CSMD3: variants seen among roughly 807,000 people sequenced by gnomAD.
CSMD3 encodes the protein CUB and sushi domain-containing protein 3.
Under a neutral mutation model 435.2 loss-of-function variants are expected in CSMD3, and 177 were observed. The observed-to-expected ratio is 0.41, with a 90% CI of 0.36 to 0.46. CSMD3 has a LOEUF of 0.46. Among genes scored for constraint, CSMD3 ranks in the 20% least tolerant of loss-of-function variants. The probability of loss-of-function intolerance (pLI) is 0.34; values close to 1 mark genes in which losing one functional copy is unlikely to be tolerated. For synonymous variants in CSMD3, 1,656 were observed against 1,520.5 expected (o/e 1.09, Z -2.07); for missense variants, 4,265 against 4,504.6 (o/e 0.95, Z 1.52).
At chr8:113,263,675 A>G (rs1187820904) in intron 3 of CSMD3, among the ~76,000 whole-genome samples, 1 of 151,876 alleles carries the variant, frequency 6.6e-6, no homozygotes, top group Non-Finnish European at 1.5e-5. Flanking sequence ...ACTTGGTAGC[A>G]TTAAAATTCA....
chr8:112,310,140 T>G (rs567531111), intron 50 of CSMD3: 1 of 152,234 alleles, frequency 6.6e-6, no homozygotes, highest in Non-Finnish European at 1.5e-5. Flanking sequence ...TAGCTGATGT[T>G]GAGCTTGTCT....
chr8:112,840,984 A>G (rs1390914060), intron 11 of CSMD3, among the ~76,000 whole-genome samples: 2 of 151,646 alleles, frequency 1.3e-5, no homozygotes, highest in Non-Finnish European at 3.0e-5. Context: ...TAAAAAATAT[A>G]TAATAATCTT....
chr8:112,680,469 A>T (rs768371554), intron 16 of CSMD3, among the ~76,000 whole-genome samples: 2 of 152,226 alleles, frequency 1.3e-5, no homozygotes, highest in Non-Finnish European at 2.9e-5. Context: ...TCCGGCAAAA[A>T]GAATGGTGGA....
intron 5 of CSMD3, among the ~76,000 whole-genome samples, chr8:113,056,933 C>T (rs1007727071): frequency 4.6e-5 from 7 of 152,178 alleles, no homozygotes; most frequent in African/African-American, 1.4e-4. Context: ...CTCTTATCTC[C>T]TTTCCCATGA....
chr8:113,305,996 C>T (rs2093817858), intron 2 of CSMD3, among the ~76,000 whole-genome samples: 1 of 152,042 alleles, frequency 6.6e-6, no homozygotes, highest in African/African-American at 2.4e-5. Context: ...CTTCTGTTTC[C>T]TGGGGTATGT....
chr8:112,590,495 G>T (rs1405339126), intron 22 of CSMD3, among the ~76,000 whole-genome samples: 1 of 152,064 alleles, frequency 6.6e-6, no homozygotes, highest in Non-Finnish European at 1.5e-5. Context: ...TGAAAGACCT[G>T]ATATGAAAAA....
At chr8:112,855,553 A>G (rs868687129) in intron 11 of CSMD3, among the ~76,000 whole-genome samples, 4 of 152,102 alleles carry the variant, frequency 2.6e-5, no homozygotes, top group Admixed American at 6.6e-5. Flanking sequence ...CATGAGTTCT[A>G]TATAAGGATA....
At chr8:113,351,052 G>A (rs1287896906) in intron 1 of CSMD3, among the ~76,000 whole-genome samples, 1 of 151,868 alleles carries the variant, frequency 6.6e-6, no homozygotes, top group Non-Finnish European at 1.5e-5. Context: ...CCATAGCACT[G>A]GCATGCACAC....
At chr8:112,794,039 A>T (rs1374479731) in intron 13 of CSMD3, among the ~76,000 whole-genome samples, 2 of 152,128 alleles carry the variant, frequency 1.3e-5, no homozygotes, top group Non-Finnish European at 2.9e-5. Flanking sequence ...TTATAGCCTC[A>T]CACAATTGAA....
chr8:112,457,914 T>A (rs1245727036), intron 32 of CSMD3, among the ~76,000 whole-genome samples: 1 of 152,054 alleles, frequency 6.6e-6, no homozygotes, highest in Non-Finnish European at 1.5e-5. Context: ...ATGATTAAGC[T>A]AATACCTTGG....
chr8:112,656,123 G>A (rs1586902806), intron 18 of CSMD3, 31 bp downstream of exon 18: 2 of 1,181,876 alleles, frequency 1.7e-6, no homozygotes, highest in East Asian at 2.3e-5. Flanking sequence ...CAAACAGAAT[G>A]AGGAAATCAA....
At chr8:112,376,297 A>G (rs73700684) in intron 38 of CSMD3, among the ~76,000 whole-genome samples, 4,121 of 152,264 alleles carry the variant, frequency 0.027, 170 homozygotes, top group African/African-American at 0.094. Flanking sequence ...AGTGCCTGAC[A>G]TATGGTAGGT....
intron 4 of CSMD3, among the ~76,000 whole-genome samples, chr8:113,142,002 A>T (rs2091560958): frequency 6.6e-6 from 1 of 151,128 alleles, no homozygotes; most frequent in Non-Finnish European, 1.5e-5. Flanking sequence ...ATTTAAATTT[A>T]AAAATACACT....
In CSMD3 at chr8:113,274,671, T is replaced by C. The variant is rs962454445; in HGVS notation, c.514+3921A>G. Among the ~76,000 whole-genome samples the C allele has an allele frequency of 9.2e-5, 14 of 152,114 alleles. 1 individual carries two copies. Among genetic ancestry groups the C allele is most frequent in the Non-Finnish European group, 1.2e-4 (8 of 67,990 alleles). On this transcript the variant is annotated intron_variant, in intron 3 of 70. Transcript: ENST00000297405. ...GTTAAATCAATTTCAATACGCTAAA[T>C]TGTCTTGAAAGATCTCATAGTAGTT... is the stretch of plus-strand genomic sequence containing the variant.
chr8:113,317,848 A>G (rs1029073930), intron 1 of CSMD3, among the ~76,000 whole-genome samples: 5 of 152,072 alleles, frequency 3.3e-5, no homozygotes, highest in African/African-American at 1.2e-4. Flanking sequence ...CTGAATTGTT[A>G]TATCTATTTT....
At chr8:113,300,173 A>AC (rs1031125836) in intron 2 of CSMD3, among the ~76,000 whole-genome samples, 2 of 146,402 alleles carry the variant, frequency 1.4e-5, no homozygotes, top group Non-Finnish European at 3.0e-5. Context: ...AAAAAAAAAA[A>AC]AAAAACAACA....
At chr8:113,096,713 T>C (rs776763316) in intron 5 of CSMD3, among the ~76,000 whole-genome samples, 23 of 152,094 alleles carry the variant, frequency 1.5e-4, no homozygotes, top group Admixed American at 6.6e-4. Flanking sequence ...ATGGTCATTC[T>C]TTTCTAGCCA....
At chr8:112,375,611 AG>A (rs1317071833) in intron 38 of CSMD3, among the ~76,000 whole-genome samples, 3 of 152,146 alleles carry the variant, frequency 2.0e-5, no homozygotes, top group Admixed American at 2.0e-4. Context: ...TCTAACTAAA[AG>A]AACAGTTTAA....
intron 6 of CSMD3, among the ~76,000 whole-genome samples, chr8:112,978,236 T>C (rs756360582): frequency 6.6e-6 from 1 of 152,074 alleles, no homozygotes; most frequent in Non-Finnish European, 1.5e-5. Flanking sequence ...ATGGAATTTA[T>C]ACTATGTCAC....
Sources: allele counts gnomAD v4.1 joint callset (sites outside exome capture counted in the v4.1 genomes callset), GRCh38; gene constraint gnomAD v4.1.1; transcripts MANE v1.5; gene names NCBI Gene and HGNC (gene_info 2026-07-23, HGNC 2026-07-21).